The following DGKB variants were observed in gnomAD, a reference collection of about 807,000 sequenced individuals.
The protein encoded by DGKB is 90 kDa diacylglycerol kinase.
Under a neutral mutation model 114.3 loss-of-function variants are expected in DGKB, and 67 were observed. The observed-to-expected ratio is 0.59, with a 90% CI of 0.48 to 0.72. DGKB has a LOEUF of 0.72. Among genes scored for constraint, DGKB ranks in the 30% least tolerant of loss-of-function variants. The pLI is 0.00. For missense variants in DGKB, 907 were observed against 975.2 expected, an observed-to-expected ratio of 0.93 and a Z score of 0.93; for synonymous variants, 398 against 323.1, an observed-to-expected ratio of 1.23 and a Z score of -2.49.
In DGKB at chr7:14,357,009, C is replaced by A. The variant is rs1411261761; in HGVS notation, c.1836-11618G>T. Among the ~76,000 whole-genome samples, 3 of 152,158 alleles carry A rather than the reference C, an allele frequency of 2.0e-5. No individual in the cohort carries two copies. The East Asian group carries it at 5.8e-4, about 29-fold the overall frequency. ...TTTACATTTGCTGAGGAGTGCTTTA[C>A]TTCCAACTATGTGGTCAATTTTGGA... On this transcript the variant is annotated intron_variant, in intron 21 of 25. Coordinates refer to ENST00000402815, the MANE Select transcript of DGKB (RefSeq NM_001350709.2).
chr7:14,789,814 A>G (rs753562784), intron 2 of DGKB, among the ~76,000 whole-genome samples: 12 of 152,096 alleles, frequency 7.9e-5, no homozygotes, highest in Admixed American at 1.3e-4. Flanking sequence ...CTAGGAATGC[A>G]TTTGCTGAGT....
chr7:14,397,352 T>G (rs1350928896), intron 21 of DGKB, among the ~76,000 whole-genome samples: 1 of 152,122 alleles, frequency 6.6e-6, no homozygotes, highest in African/African-American at 2.4e-5. Context: ...GTGGACTATT[T>G]TAGGAGAATA....
At chr7:14,426,553 A>C (rs1470783143) in intron 21 of DGKB, among the ~76,000 whole-genome samples, 1 of 152,150 alleles carries the variant, frequency 6.6e-6, no homozygotes, top group Non-Finnish European at 1.5e-5. Context: ...AACAGCTTTA[A>C]TGCTGTCCCA....
intron 3 of DGKB, among the ~76,000 whole-genome samples, chr7:14,756,193 T>C (rs148590125): frequency 4.6e-4 from 70 of 152,172 alleles, no homozygotes; most frequent in African/African-American, 1.6e-3. Context: ...TTTATCTCTG[T>C]ATATAGATTA....
Position 14,881,370 on chromosome 7 carries a change from G to T in DGKB, c.-188+21222C>A, listed in dbSNP as rs144240648. On this transcript the variant is annotated intron_variant, in intron 1 of 25. Transcript: ENST00000402815. ...ATTTTAGTACAACCTTGAACACTAGGGAAATTAACCCTTTGCCTATTATGA... is the reference window on the plus strand; with the variant it reads ...ATTTTAGTACAACCTTGAACACTAGTGAAATTAACCCTTTGCCTATTATGA... 2.2e-3 allele frequency among the ~76,000 whole-genome samples: 340 copies of T among 152,132 alleles called. 1 individual carries two copies. Among genetic ancestry groups the T allele is most frequent in the African/African-American group, 7.9e-3 (330 of 41,530 alleles).
chr7:14,603,172 T>C (rs1357870), intron 17 of DGKB, among the ~76,000 whole-genome samples: 44 of 152,294 alleles, frequency 2.9e-4, no homozygotes, highest in African/African-American at 1.0e-3. Context: ...TCAATTTTCA[T>C]ACTCCATCAC....
intron 23 of DGKB, among the ~76,000 whole-genome samples, chr7:14,282,454 T>C (rs1202807963): frequency 1.3e-5 from 2 of 150,152 alleles, no homozygotes; most frequent in African/African-American, 4.9e-5. Context: ...CTGGTACCAT[T>C]CCTTCTGAAA....
At chr7:14,447,307 T>C (rs1421191457) in intron 21 of DGKB, among the ~76,000 whole-genome samples, 4 of 152,114 alleles carry the variant, frequency 2.6e-5, no homozygotes, top group African/African-American at 9.7e-5. Context: ...TAAATCCTAC[T>C]CTGTCTTACT....
At chr7:14,181,899 C>G (rs1584296381) in intron 23 of DGKB, among the ~76,000 whole-genome samples, 1 of 152,098 alleles carries the variant, frequency 6.6e-6, no homozygotes, top group African/African-American at 2.4e-5. Flanking sequence ...ACATTTAAAA[C>G]AGAACATCTA....
intron 13 of DGKB, among the ~76,000 whole-genome samples, chr7:14,640,307 A>C (rs1331983568): frequency 8.5e-5 from 13 of 152,360 alleles, no homozygotes; most frequent in African/African-American, 3.1e-4. Context: ...GAATACTAGA[A>C]TGAAAGAAAT....
chr7:14,338,532 A>C lies in DGKB; in HGVS notation c.2105T>G (p.Leu702Trp). The C allele has an allele frequency of 6.4e-7, 1 of 1,574,568 alleles. No individual in the cohort carries two copies. Among genetic ancestry groups the C allele is most frequent in the Non-Finnish European group, 8.6e-7 (1 of 1,162,974 alleles). The change falls in exon 23 of 26, where the codon TTG (leucine) becomes TGG (tryptophan). Residue 702 changes from leucine to tryptophan, a missense_variant. Physicochemically the swap from Leu to Trp is moderately conservative, Grantham distance 61. This residue lies in a region of DGKB where 814 missense variants were observed against 856.6 expected (regional missense o/e 0.95). Transcript: ENST00000402815. Reference protein sequence around the residue: ...KRTTVTDAKELKFASQDLSDQ... With the variant: ...KRTTVTDAKEWKFASQDLSDQ... Reference sequence around the variant, plus strand: ...AAACTGACCTTGACTTGCAAACTTCAACTCTTTGGCATCTGTGACGGTGGT... The same window carrying C: ...AAACTGACCTTGACTTGCAAACTTCCACTCTTTGGCATCTGTGACGGTGGT...
At chr7:14,906,987 A>G (rs1783744255), upstream of DGKB, among the ~76,000 whole-genome samples, 1 of 152,230 alleles carries the variant, frequency 6.6e-6, no homozygotes, top group African/African-American at 2.4e-5. Flanking sequence ...AAAAAAATAA[A>G]TTGCTCAATA....
chr7:14,919,213 T>C (rs1168058573), intron 1 of DGKB, among the ~76,000 whole-genome samples: 1 of 151,642 alleles, frequency 6.6e-6, no homozygotes, highest in Non-Finnish European at 1.5e-5. Flanking sequence ...CCACCCAACT[T>C]CAATATTTAC....
intron 1 of DGKB, among the ~76,000 whole-genome samples, chr7:14,885,341 C>T (rs1376876327): frequency 6.6e-6 from 1 of 151,804 alleles, no homozygotes; most frequent in East Asian, 1.9e-4. Context: ...AGGAGGCAAA[C>T]AAGATTAACA....
At chr7:14,316,820 A>C (rs1254886746) in intron 23 of DGKB, among the ~76,000 whole-genome samples, 1 of 150,660 alleles carries the variant, frequency 6.6e-6, no homozygotes, top group African/African-American at 2.5e-5. Context: ...AGCCGGGCAG[A>C]GACACAACCA....
At chr7:14,905,589 G>A (rs1392450890), upstream of DGKB, among the ~76,000 whole-genome samples, 2 of 152,076 alleles carry the variant, frequency 1.3e-5, no homozygotes, top group Non-Finnish European at 2.9e-5. Flanking sequence ...TCATCAATTT[G>A]TGAAAATATA....
chr7:14,736,092 A>C lies in DGKB; in HGVS notation c.271T>G (p.Phe91Val). 1 of 1,610,738 alleles carries C rather than the reference A, an allele frequency of 6.2e-7. No individual in the cohort carries two copies. The highest frequency in any genetic ancestry group is 8.5e-7 in the Non-Finnish European group (1 of 1,178,004). Residue 91 changes from phenylalanine (F) to valine (V), a missense_variant, in exon 5 of 26, where the codon TTT becomes GTT. Phe to Val is a conservative substitution (Grantham distance 50). Transcript: ENST00000402815. ...TTTACCATTGGACTAGAATGAGGAA[A>C]CTTGTTGCTAAATGACATGAAAAGG... ...AHLFMSFSNK[F>V]PHSSPMVKSK...
intron 25 of DGKB, among the ~76,000 whole-genome samples, chr7:14,170,197 G>C (rs543473329): frequency 7.2e-6 from 1 of 138,120 alleles, no homozygotes; most frequent in African/African-American, 2.9e-5. Context: ...AAGAAAGAAA[G>C]AAAGAAATAC....
At chr7:14,897,291 C>T (rs566239858) in intron 1 of DGKB, among the ~76,000 whole-genome samples, 2 of 151,976 alleles carry the variant, frequency 1.3e-5, no homozygotes, top group Non-Finnish European at 2.9e-5. Context: ...TTAATTATCA[C>T]ATAACCTGAT....
Sources: gnomAD v4.1 joint callset for allele counts (sites outside exome capture counted in the v4.1 genomes callset) on GRCh38, gnomAD v4.1.1 for gene constraint, gnomAD v4.1.1 regional missense constraint, MANE v1.5 for transcripts, NCBI Gene and HGNC (gene_info 2026-07-23, HGNC 2026-07-21) for gene names.